The following TCF12 variants were observed in gnomAD, a reference collection of about 807,000 sequenced individuals.
TCF12 encodes the protein DNA-binding protein HTF4.
In TCF12, 45 loss-of-function variants were observed where a neutral mutation model predicts 86.0. That is an observed-to-expected ratio of 0.52 (90% CI 0.41 to 0.67). The LOEUF (loss-of-function observed/expected upper bound fraction) is 0.67. Among genes scored for constraint, TCF12 ranks in the 30% least tolerant of loss-of-function variants. TCF12 has a pLI of 0.00. For missense variants in TCF12, 881 were observed against 859.9 expected, an observed-to-expected ratio of 1.02 and a Z score of -0.31; for synonymous variants, 330 against 299.6, an observed-to-expected ratio of 1.10 and a Z score of -1.05.
chr15:56,950,762 T>C lies in TCF12; in HGVS notation c.148+29664T>C, dbSNP rs1405664673. On this transcript the variant is annotated intron_variant, in intron 3 of 20. Transcript: ENST00000333725. ...ATGACCATGTTTTTTTTTTTTTTTT[T>C]TTTTTTTTTTTAAGTTAGAGTTTTG... 1.6e-4 allele frequency among the ~76,000 whole-genome samples: 23 copies of C among 144,444 alleles called. 1 individual carries two copies. Among genetic ancestry groups the C allele is most frequent in the African/African-American group, 5.6e-4 (22 of 39,302 alleles). The allele number at this position is 144,444 out of a possible 152,430, so 94.8% of individuals were successfully genotyped here. A position where few individuals can be genotyped will look rare whatever the true frequency, so the allele number is the denominator to read the frequency against.
intron 16 of TCF12, among the ~76,000 whole-genome samples, chr15:57,259,512 G>A (rs1389498914): frequency 6.6e-6 from 1 of 152,140 alleles, no homozygotes; most frequent in South Asian, 2.1e-4. Context: ...TAAAGCCATC[G>A]GCCAAATTAA....
chr15:56,964,902 G>A (rs1440741012), intron 3 of TCF12, among the ~76,000 whole-genome samples: 3 of 152,190 alleles, frequency 2.0e-5, no homozygotes, highest in African/African-American at 7.2e-5. Context: ...AGTCACCATA[G>A]ATAATGTCCT....
chr15:57,057,948 G>A (rs1274678212), intron 3 of TCF12, among the ~76,000 whole-genome samples: 1 of 152,184 alleles, frequency 6.6e-6, no homozygotes, highest in Non-Finnish European at 1.5e-5. Flanking sequence ...ACAGGGCTTT[G>A]GTATATTAGA....
chr15:57,255,042 A>C (rs2060287209), intron 16 of TCF12, among the ~76,000 whole-genome samples: 1 of 152,182 alleles, frequency 6.6e-6, no homozygotes, highest in African/African-American at 2.4e-5. Context: ...TGACTTAAAA[A>C]TCAATATTCT....
At chr15:57,186,360 G>A (rs1452510570) in intron 6 of TCF12, among the ~76,000 whole-genome samples, 3 of 152,240 alleles carry the variant, frequency 2.0e-5, no homozygotes, top group African/African-American at 7.2e-5. Context: ...TTAACCGAGT[G>A]TGATGGCATC....
intron 3 of TCF12, among the ~76,000 whole-genome samples, chr15:56,989,266 G>T (rs528162732): frequency 1.6e-4 from 25 of 152,216 alleles, no homozygotes; most frequent in African/African-American, 5.8e-4. Context: ...AGTTTAAATG[G>T]TTATGAGACC....
intron 3 of TCF12, among the ~76,000 whole-genome samples, chr15:56,970,867 T>C (rs1595905261): frequency 6.6e-6 from 1 of 150,720 alleles, no homozygotes; most frequent in African/African-American, 2.4e-5. Flanking sequence ...CTGGGCAACA[T>C]AGGGAGACCC....
intron 16 of TCF12, among the ~76,000 whole-genome samples, chr15:57,261,808 C>T (rs2060598366): frequency 7.6e-6 from 1 of 131,802 alleles, no homozygotes; most frequent in South Asian, 2.5e-4. Context: ...GCTTTGTCAG[C>T]TCATTTGCTT....
At chr15:57,119,286 GTTTGTTTT>G (rs761543298) in intron 5 of TCF12, among the ~76,000 whole-genome samples, 18 of 151,314 alleles carry the variant, frequency 1.2e-4, no homozygotes, top group Non-Finnish European at 2.2e-4. Context: ...TTGTTTGTTT[GTTTGTTTT>G]TTTGTTTTTT....
chr15:57,261,539 C>A (rs932869361), intron 16 of TCF12, among the ~76,000 whole-genome samples: 1 of 152,088 alleles, frequency 6.6e-6, no homozygotes, highest in African/African-American at 2.4e-5. Context: ...ATAACTCCAG[C>A]CAATAAACCT....
At chr15:57,026,591 A>G (rs1391250614) in intron 3 of TCF12, among the ~76,000 whole-genome samples, 1 of 152,250 alleles carries the variant, frequency 6.6e-6, no homozygotes, top group African/African-American at 2.4e-5. Flanking sequence ...AACTCAGTAA[A>G]TAAGTCTGTA....
intron 6 of TCF12, among the ~76,000 whole-genome samples, chr15:57,181,778 A>C (rs182168466): frequency 5.9e-5 from 9 of 152,322 alleles, no homozygotes; most frequent in African/African-American, 2.2e-4. Context: ...GGTTTGTCAT[A>C]TGTAATTCAA....
At chr15:57,222,758 A>ATTTTTTTTT (rs57645813) in intron 8 of TCF12, among the ~76,000 whole-genome samples, 5 of 45,530 alleles carry the variant, frequency 1.1e-4, no homozygotes, top group East Asian at 9.8e-4. Flanking sequence ...AAGGACTGCC[A>ATTTTTTTTT]TTTTTTTTTT....
intron 6 of TCF12, among the ~76,000 whole-genome samples, chr15:57,173,645 T>C (rs1236629824): frequency 1.3e-5 from 2 of 151,746 alleles, no homozygotes; most frequent in Non-Finnish European, 2.9e-5. Flanking sequence ...ATAAATGAAT[T>C]CCTTGAAAAA....
At chr15:57,149,999 G>A (rs934713266) in intron 5 of TCF12, among the ~76,000 whole-genome samples, 1 of 152,110 alleles carries the variant, frequency 6.6e-6, no homozygotes, top group Admixed American at 6.5e-5. Flanking sequence ...TTTGACAGTA[G>A]GCACTCCATG....
At chr15:57,190,592 C>T (rs2056927925) in intron 6 of TCF12, among the ~76,000 whole-genome samples, 1 of 152,122 alleles carries the variant, frequency 6.6e-6, no homozygotes, top group African/African-American at 2.4e-5. Context: ...TCCTGTCTTT[C>T]AAGTCTCTGT....
intron 3 of TCF12, among the ~76,000 whole-genome samples, chr15:56,925,453 C>G (rs1189894565): frequency 1.3e-5 from 2 of 152,040 alleles, no homozygotes; most frequent in Admixed American, 6.6e-5. Flanking sequence ...TTTAAACAAG[C>G]CTTTTGAAAT....
At chr15:56,927,232 G>A (rs2060053936) in intron 3 of TCF12, among the ~76,000 whole-genome samples, 1 of 152,114 alleles carries the variant, frequency 6.6e-6, no homozygotes, top group South Asian at 2.1e-4. Flanking sequence ...ATGTATGAGG[G>A]AAGCATGCTC....
intron 5 of TCF12, among the ~76,000 whole-genome samples, chr15:57,141,021 T>G (rs533995152): frequency 6.6e-6 from 1 of 152,258 alleles, no homozygotes; most frequent in South Asian, 2.1e-4. Context: ...ATGTGTTTTT[T>G]AAAAAAATCA....
Sources: gnomAD v4.1 joint callset for allele counts (sites outside exome capture counted in the v4.1 genomes callset) on GRCh38, gnomAD v4.1.1 for gene constraint, MANE v1.5 for transcripts, NCBI Gene and HGNC (gene_info 2026-07-23, HGNC 2026-07-21) for gene names.